Variants in QTGAL observed in about 807,000 individuals in gnomAD.
QTGAL encodes BGnT-like protein 1.
the QTGAL span, among the ~76,000 whole-genome samples, chr17:83,000,421 T>C: frequency 6.6e-6 from 1 of 152,270 alleles, no homozygotes; most frequent in Non-Finnish European, 1.5e-5. Flanking sequence ...CAGCACGCAC[T>C]GCAGTGAGTT....
chr17:83,038,272 C>T, the QTGAL span, among the ~76,000 whole-genome samples: 3 of 152,300 alleles, frequency 2.0e-5, no homozygotes, highest in African/African-American at 2.4e-5. Context: ...AGGGTCCCCA[C>T]GAGGTCTCCT....
chr17:82,949,922 A>G, the QTGAL span: 1 of 152,246 alleles, frequency 6.6e-6, no homozygotes, highest in Non-Finnish European at 1.5e-5. Flanking sequence ...TGTGGAGGAC[A>G]CATAAGATGG....
At chr17:83,021,545 T>C in the QTGAL span, among the ~76,000 whole-genome samples, 4 of 152,168 alleles carry the variant, frequency 2.6e-5, no homozygotes, top group African/African-American at 9.7e-5. Flanking sequence ...TGGAGAGATA[T>C]ACTATGTTTA....
the QTGAL span, chr17:83,006,040 A>AC: frequency 3.1e-4 from 321 of 1,022,300 alleles, 1 homozygote; most frequent in African/African-American, 4.9e-3. The surrounding 1 kb of genome is among the most constrained non-coding windows in gnomAD (Gnocchi z 5.8). Context: ...AGGAAACAGC[A>AC]CCCACCCCAA....
At chr17:82,963,024 C>A in the QTGAL span, among the ~76,000 whole-genome samples, 4 of 151,872 alleles carry the variant, frequency 2.6e-5, no homozygotes, top group Non-Finnish European at 5.9e-5. Context: ...GTGTGGAGGA[C>A]CCCTGGCGGG....
At chr17:83,017,035 T>G in the QTGAL span, among the ~76,000 whole-genome samples, 1 of 152,330 alleles carries the variant, frequency 6.6e-6, no homozygotes, top group East Asian at 1.9e-4. Context: ...AGTTCTTCTA[T>G]GGAGTTGGCC....
At chr17:83,048,936 G>C in the QTGAL span, 5 of 653,684 alleles carry the variant, frequency 7.6e-6, no homozygotes, top group Non-Finnish European at 1.4e-5. Flanking sequence ...ATGCTTGTAA[G>C]ATTCTTTACG....
the QTGAL span, among the ~76,000 whole-genome samples, chr17:83,036,530 A>G: frequency 6.6e-6 from 1 of 152,208 alleles, no homozygotes; most frequent in Admixed American, 6.5e-5. Context: ...GTTTCAAAAA[A>G]TCTCTGTCTT....
the QTGAL span, chr17:82,947,321 T>G: frequency 1.0e-5 from 3 of 291,836 alleles, no homozygotes; most frequent in Non-Finnish European, 1.3e-5. Flanking sequence ...CAGACCCACC[T>G]TCCCTCCACA....
the QTGAL span, among the ~76,000 whole-genome samples, chr17:82,980,327 C>T: frequency 2.8e-4 from 42 of 152,312 alleles, no homozygotes; most frequent in Admixed American, 3.9e-4. Flanking sequence ...CCACAATGTG[C>T]GGGTCTGTTC....
the QTGAL span, among the ~76,000 whole-genome samples, chr17:82,970,296 A>G: frequency 1.1e-3 from 161 of 152,372 alleles, no homozygotes; most frequent in Admixed American, 5.4e-3. Context: ...TGCAGTTTCC[A>G]GCAAATGTGA....
chr17:83,034,565 T>C, the QTGAL span, among the ~76,000 whole-genome samples: 1 of 152,180 alleles, frequency 6.6e-6, no homozygotes, highest in Non-Finnish European at 1.5e-5. Flanking sequence ...CATCTTGAAT[T>C]AATAACTATT....
At chr17:83,045,225 G>GT in the QTGAL span, among the ~76,000 whole-genome samples, 2 of 152,184 alleles carry the variant, frequency 1.3e-5, no homozygotes, top group Non-Finnish European at 2.9e-5. Context: ...AGGTACTGGC[G>GT]TAAGGACAGA....
chr17:83,047,773 T>C, the QTGAL span, among the ~76,000 whole-genome samples: 3,481 of 76,982 alleles, frequency 0.045, 48 homozygotes, highest in East Asian at 0.1. Flanking sequence ...GAATAAGAAA[T>C]TTAGGTCTAC....
At chr17:82,970,245 A>T in the QTGAL span, among the ~76,000 whole-genome samples, 1 of 152,180 alleles carries the variant, frequency 6.6e-6, no homozygotes, top group African/African-American at 2.4e-5. Flanking sequence ...GGCTTGGCAC[A>T]TCCGTGAATA....
chr17:83,013,900 C>T, the QTGAL span, among the ~76,000 whole-genome samples: 2 of 152,176 alleles, frequency 1.3e-5, no homozygotes, highest in Non-Finnish European at 2.9e-5. Context: ...AGGAGCCTCG[C>T]GGTGGCTGAG....
chr17:82,957,469 G>T, the QTGAL span: 2 of 1,607,542 alleles, frequency 1.2e-6, no homozygotes, highest in East Asian at 4.5e-5. Context: ...TCCAGGAAGC[G>T]GACGCGGTGG....
chr17:82,991,703 C>T, the QTGAL span, among the ~76,000 whole-genome samples: 2,950 of 152,152 alleles, frequency 0.019, 94 homozygotes, highest in African/African-American at 0.067. Flanking sequence ...ATGACCTTAC[C>T]AAATGAACTA....
chr17:82,947,200 G>A, the QTGAL span: 1 of 519,058 alleles, frequency 1.9e-6, no homozygotes, highest in Non-Finnish European at 3.4e-6. Flanking sequence ...CCAGAGGGGA[G>A]GCCCCCCCTG....
Sources: gnomAD v4.1 joint callset for allele counts (sites outside exome capture counted in the v4.1 genomes callset) on GRCh38, gnomAD v4.1.1 for gene constraint, Gnocchi (gnomAD v3.1) non-coding constraint, MANE v1.5 for transcripts, NCBI Gene and HGNC (gene_info 2026-07-23, HGNC 2026-07-21) for gene names.